The following TXNDC16 variants were observed in gnomAD, a reference collection of about 807,000 sequenced individuals.
The protein encoded by TXNDC16 is thioredoxin domain containing 16.
In TXNDC16, 74 loss-of-function variants were observed where a neutral mutation model predicts 85.6. That is an observed-to-expected ratio of 0.86 (90% CI 0.72 to 1.05). TXNDC16 has a LOEUF of 1.05. Among genes scored for constraint, TXNDC16 ranks in the 50% least tolerant of loss-of-function variants. The pLI is 0.00. For missense variants in TXNDC16, 959 were observed against 947.0 expected (o/e 1.01, Z -0.17); for synonymous variants, 335 against 326.5 (o/e 1.03, Z -0.28).
intron 9 of TXNDC16, among the ~76,000 whole-genome samples, chr14:52,505,575 G>A (rs181311154): frequency 7.2e-5 from 11 of 152,168 alleles, no homozygotes; most frequent in African/African-American, 2.4e-4. Context: ...AGTGTGTAGA[G>A]GGAAATTTAT....
intron 6 of TXNDC16, among the ~76,000 whole-genome samples, chr14:52,530,223 ATAAT>A (rs2037475064): frequency 1.3e-5 from 1 of 75,592 alleles, no homozygotes; most frequent in African/African-American, 5.5e-5. Context: ...AGAATAATAT[ATAAT>A]ATTACATATA....
chr14:52,539,966 G>T (rs747935777), intron 4 of TXNDC16, among the ~76,000 whole-genome samples: 3 of 151,764 alleles, frequency 2.0e-5, no homozygotes, highest in Non-Finnish European at 4.4e-5. Flanking sequence ...TGTACTTTAC[G>T]TTTTTTTTCT....
rs1294148341 is a variant in TXNDC16 at position 52,507,273 on chromosome 14, GACAA to G, written c.756+3963_756+3966del. Among the ~76,000 whole-genome samples the G allele has an allele frequency of 5.3e-5, 8 of 152,232 alleles. No individual in the cohort carries two copies. The East Asian group carries it at 9.7e-4, about 18-fold the overall frequency. On this transcript the variant is annotated intron_variant, in intron 9 of 20. Coordinates refer to ENST00000281741, the MANE Select transcript of TXNDC16 (RefSeq NM_020784.3). Reference sequence around the variant, plus strand: ...CAAGTATTCTTATACACCAAGGACAGACAAACAGAGAGCCAAATCATGAGTGAAC... The same window carrying G: ...CAAGTATTCTTATACACCAAGGACAGACAGAGAGCCAAATCATGAGTGAAC...
intron 9 of TXNDC16, among the ~76,000 whole-genome samples, chr14:52,495,088 C>T: frequency 6.6e-6 from 1 of 152,242 alleles, no homozygotes; most frequent in East Asian, 1.9e-4. Context: ...GCAACTATCA[C>T]TGTGTAGCAA....
intron 5 of TXNDC16, among the ~76,000 whole-genome samples, chr14:52,537,070 TCACACACACACA>T (rs58583503): frequency 2.0e-5 from 3 of 147,242 alleles, no homozygotes; most frequent in Non-Finnish European, 3.0e-5. Context: ...CAACTCACAA[TCACACACACACA>T]CACACACACA....
At chr14:52,530,159 T>G (rs1442744917) in intron 6 of TXNDC16, among the ~76,000 whole-genome samples, 6 of 87,654 alleles carry the variant, frequency 6.8e-5, no homozygotes, top group African/African-American at 2.8e-4. Flanking sequence ...ATATATAATT[T>G]ATATATATTA....
At chr14:52,517,449 C>A (rs531687622) in intron 7 of TXNDC16, among the ~76,000 whole-genome samples, 1 of 151,974 alleles carries the variant, frequency 6.6e-6, no homozygotes, top group East Asian at 1.9e-4. Context: ...TCTCTCAACT[C>A]TTCCCTCAAA....
At chr14:52,438,292 A>G (rs2035079586) in intron 20 of TXNDC16, among the ~76,000 whole-genome samples, 1 of 152,212 alleles carries the variant, frequency 6.6e-6, no homozygotes. Flanking sequence ...AGCATCATAT[A>G]CTACAGAGAA....
rs1305486557 is a variant in TXNDC16, at chr14:52,529,864, TATG to T, written c.392+6852_392+6854del. Among the ~76,000 whole-genome samples the T allele has an allele frequency of 3.8e-3, 409 of 107,354 alleles. 3 individuals carry two copies. Among genetic ancestry groups the T allele is most frequent in the African/African-American group, 0.013 (348 of 26,226 alleles). 70.4% of individuals were successfully genotyped at this position (107,354 alleles called of 152,430 possible). A position where few individuals can be genotyped will look rare whatever the true frequency, so the allele number is the denominator to read the frequency against. On this transcript the variant is annotated intron_variant, in intron 6 of 20. Coordinates refer to ENST00000281741, the MANE Select transcript of TXNDC16 (RefSeq NM_020784.3). Reference sequence around the variant, plus strand: ...TATAATAAATACCTATTATATATAATATGATACCTATTATATATATGAATTATA... The same window carrying T: ...TATAATAAATACCTATTATATATAATATACCTATTATATATATGAATTATA...
Position 52,432,377 on chromosome 14 carries a change from C to T in TXNDC16, c.2405G>A (p.Arg802Lys). 1.9e-6 allele frequency: 3 copies of T among 1,613,954 alleles called. No homozygotes were observed. The highest frequency in any genetic ancestry group is 2.5e-6 in the Non-Finnish European group (3 of 1,179,932). ...TTCTGCTTCTTTAAACCAATTACTT[C>T]TATTCCAATGCTTTATTCTCAGAGT... ...IETLRIKHWN[R>K]SNWFKEAEKS... Residue 802 changes from arginine to lysine, a missense_variant, in exon 21 of 21, where the codon AGA (arginine) becomes AAA (lysine). Physicochemically the swap from Arg to Lys is conservative, Grantham distance 26 (BLOSUM62 2). Transcript: ENST00000281741.
intron 2 of TXNDC16, 25 bp downstream of exon 2, chr14:52,544,236 CTCT>C (rs2037894709): frequency 6.6e-6 from 1 of 152,028 alleles, no homozygotes; most frequent in Non-Finnish European, 1.5e-5. Flanking sequence ...AGATATCCTC[CTCT>C]TATCTTCTTT....
intron 9 of TXNDC16, among the ~76,000 whole-genome samples, chr14:52,508,630 G>A (rs2036874872): frequency 3.3e-5 from 5 of 152,196 alleles, no homozygotes; most frequent in South Asian, 2.1e-4. Flanking sequence ...TGTTTACTGC[G>A]GCACTATTCA....
intron 11 of TXNDC16, among the ~76,000 whole-genome samples, chr14:52,488,834 A>AAAAAAAAC (rs1161442846): frequency 1.6e-4 from 20 of 125,610 alleles, no homozygotes; most frequent in Middle Eastern, 4.3e-3. Flanking sequence ...ACTCTGGGAA[A>AAAAAAAAC]AAAAAAAAAA....
intron 18 of TXNDC16, among the ~76,000 whole-genome samples, chr14:52,448,618 G>T (rs576929174): frequency 6.6e-6 from 1 of 152,228 alleles, no homozygotes; most frequent in African/African-American, 2.4e-5. Context: ...ATTGCTAATG[G>T]TAAGTACACT....
intron 11 of TXNDC16, among the ~76,000 whole-genome samples, chr14:52,489,983 T>A (rs1400803136): frequency 6.6e-6 from 1 of 152,018 alleles, no homozygotes; most frequent in African/African-American, 2.4e-5. Flanking sequence ...ACTATAGGCA[T>A]GCACCACCAC....
chr14:52,503,353 C>T (rs553054460), intron 9 of TXNDC16, among the ~76,000 whole-genome samples: 95 of 152,286 alleles, frequency 6.2e-4, no homozygotes, highest in African/African-American at 1.9e-3. Context: ...CTCACATGGC[C>T]AGGTACTCCT....
chr14:52,476,315 T>C (rs1428888584), intron 14 of TXNDC16, among the ~76,000 whole-genome samples: 1 of 151,962 alleles, frequency 6.6e-6, no homozygotes, highest in African/African-American at 2.4e-5. Flanking sequence ...TCTCCAGCAA[T>C]GGATCCAAAC....
intron 18 of TXNDC16, among the ~76,000 whole-genome samples, chr14:52,447,704 G>C (rs946191690): frequency 9.2e-5 from 14 of 152,122 alleles, no homozygotes; most frequent in African/African-American, 2.9e-4. Flanking sequence ...TAAGACACCA[G>C]AGACCAATCC....
Position 52,498,129 on chromosome 14 carries a change from G to C in TXNDC16, c.757-7124C>G, listed in dbSNP as rs375906522. Among the ~76,000 whole-genome samples, 77 of 152,028 alleles carry C rather than the reference G, an allele frequency of 5.1e-4. 1 individual carries two copies. In the South Asian group the frequency reaches 0.015, roughly 30 times the overall value. The stretch of plus-strand genomic sequence containing the variant: ...CATGATAAAAACTCACAATAAACTA[G>C]GAACAGAAATAAATTACCTCAAGAT... On this transcript the variant is annotated intron_variant, in intron 9 of 20. Coordinates refer to ENST00000281741, the MANE Select transcript of TXNDC16 (RefSeq NM_020784.3).
Sources: gnomAD v4.1 joint callset for allele counts (sites outside exome capture counted in the v4.1 genomes callset) on GRCh38, gnomAD v4.1.1 for gene constraint, MANE v1.5 for transcripts, NCBI Gene and HGNC (gene_info 2026-07-23, HGNC 2026-07-21) for gene names.